Variants in DCT observed in about 807,000 individuals in gnomAD.
The protein encoded by DCT is L-dopachrome tautomerase.
Under a neutral mutation model 53.0 loss-of-function variants are expected in DCT, and 47 were observed. The observed-to-expected ratio is 0.89, with a 90% confidence interval of 0.70 to 1.13. The LOEUF (loss-of-function observed/expected upper bound fraction) is 1.13. Among genes scored for constraint, DCT ranks in the 50% most tolerant of loss-of-function variants. The pLI is 0.00. For missense variants in DCT, 669 were observed against 637.4 expected, an observed-to-expected ratio of 1.05 and a Z score of -0.53; for synonymous variants, 244 against 237.0, an observed-to-expected ratio of 1.03 and a Z score of -0.27.
the DCT span, among the ~76,000 whole-genome samples, chr13:94,521,526 C>A: frequency 1.3e-5 from 2 of 152,144 alleles, no homozygotes; most frequent in African/African-American, 4.8e-5. Flanking sequence ...AAAAATTAGC[C>A]AGGCGTGGTG....
At chr13:94,465,968 TTATATATATATATATATA>T (rs3044355) in intron 3 of DCT, among the ~76,000 whole-genome samples, 169 bp from the exon 4 acceptor site, 1,398 of 77,782 alleles carry the variant, frequency 0.018, 45 homozygotes, top group African/African-American at 0.051. Context: ...TGTGTATATT[TTATATATATATATATATA>T]TATATATATA....
intron 3 of DCT, among the ~76,000 whole-genome samples, chr13:94,466,219 T>C (rs959096703): frequency 2.6e-5 from 4 of 151,676 alleles, no homozygotes; most frequent in Non-Finnish European, 4.4e-5. Flanking sequence ...GAGAGTTACA[T>C]AGTAGTTACA....
At chr13:94,484,156 C>G (rs1243334568), upstream of DCT, among the ~76,000 whole-genome samples, 1 of 152,102 alleles carries the variant, frequency 6.6e-6, no homozygotes, top group Non-Finnish European at 1.5e-5. Context: ...GAAACAGCAT[C>G]TTTTCATTCT....
chr13:94,517,957 T>C, the DCT span, among the ~76,000 whole-genome samples: 36 of 152,130 alleles, frequency 2.4e-4, no homozygotes, highest in African/African-American at 6.7e-4. Flanking sequence ...GAAGATGATT[T>C]CAGGGCCAGG....
the DCT span, among the ~76,000 whole-genome samples, chr13:94,493,820 A>G: frequency 6.6e-6 from 1 of 152,162 alleles, no homozygotes; most frequent in Non-Finnish European, 1.5e-5. Flanking sequence ...GTAACAGTGA[A>G]TGCATGTCAT....
At chr13:94,490,858 T>G in the DCT span, among the ~76,000 whole-genome samples, 2 of 152,124 alleles carry the variant, frequency 1.3e-5, no homozygotes, top group Non-Finnish European at 2.9e-5. Context: ...TACCTTCAAT[T>G]ATGAGTTTAT....
chr13:94,501,645 AGAGAGAGAAAGGAGAGAGAG>A, the DCT span, among the ~76,000 whole-genome samples: 2 of 151,898 alleles, frequency 1.3e-5, no homozygotes, highest in African/African-American at 4.8e-5. Flanking sequence ...AGAGAGAGAG[AGAGAGAGAAAGGAGAGAGAG>A]GAGAGAGAGA....
chr13:94,451,741 T>C, intron 6 of DCT, among the ~76,000 whole-genome samples: 1 of 152,204 alleles, frequency 6.6e-6, no homozygotes, highest in East Asian at 1.9e-4. Context: ...AGGTTGAGTA[T>C]GTTTTCAGTG....
At chr13:94,487,258 T>C in the DCT span, among the ~76,000 whole-genome samples, 1,176 of 152,320 alleles carry the variant, frequency 7.7e-3, 16 homozygotes, top group African/African-American at 0.026. Context: ...CTGTGTATCA[T>C]ACAGCTTAAT....
chr13:94,485,292 T>C, the DCT span, among the ~76,000 whole-genome samples: 1 of 152,150 alleles, frequency 6.6e-6, no homozygotes, highest in Non-Finnish European at 1.5e-5. Context: ...TTAGCACAGG[T>C]AGAACCTTGG....
the DCT span, among the ~76,000 whole-genome samples, chr13:94,541,889 C>T: frequency 7.2e-5 from 11 of 152,138 alleles, no homozygotes; most frequent in South Asian, 2.1e-4. Flanking sequence ...TGGCTACACA[C>T]GGGTCATTGC....
intron 6 of DCT, among the ~76,000 whole-genome samples, chr13:94,459,412 T>G (rs1021528424): frequency 6.6e-6 from 1 of 152,252 alleles, no homozygotes; most frequent in Non-Finnish European, 1.5e-5. Context: ...TTGCTCCTAT[T>G]AGCCAGGAAA....
the DCT span, among the ~76,000 whole-genome samples, chr13:94,531,464 C>T: frequency 2.6e-5 from 4 of 152,094 alleles, no homozygotes; most frequent in South Asian, 2.1e-4. Flanking sequence ...TGGAACAGAA[C>T]GGAGGCCTCA....
chr13:94,456,009 T>C (rs1883390947), intron 6 of DCT, among the ~76,000 whole-genome samples: 1 of 152,202 alleles, frequency 6.6e-6, no homozygotes. Flanking sequence ...ACACCAGAAA[T>C]GCTTGGCATA....
chr13:94,460,378 A>T, intron 5 of DCT, 152 bp from the exon 6 acceptor site: 1 of 659,174 alleles, frequency 1.5e-6, no homozygotes, highest in South Asian at 2.0e-5. Flanking sequence ...ATTTGCCCCA[A>T]ACTTTAATGA....
chr13:94,465,702 G>C lies in DCT; in HGVS notation c.794C>G (p.Ala265Gly). 1 of 1,613,230 alleles carries C rather than the reference G, an allele frequency of 6.2e-7. No homozygotes were observed. Among genetic ancestry groups the C allele is most frequent in the African/African-American group, 1.3e-5 (1 of 74,796 alleles). The change falls in exon 4 of 8, where the codon GCG becomes GGG. Residue 265 changes from alanine (A) to glycine (G), a missense_variant. Coordinates refer to ENST00000377028, the MANE Select transcript of DCT (RefSeq NM_001922.5). ...DVCTDQLFGA[A>G]RPDDPTLISR... The stretch of plus-strand genomic sequence containing the variant: ...AATCAGAGTCGGATCGTCTGGTCTC[G>C]CTGCCCCAAACAGCTGGTCTGTACA...
intron 6 of DCT, among the ~76,000 whole-genome samples, chr13:94,457,774 T>A (rs1883504062): frequency 6.6e-6 from 1 of 152,012 alleles, no homozygotes; most frequent in Non-Finnish European, 1.5e-5. Context: ...CGAGGGTGAG[T>A]TGCGTATCTG....
rs1408244886 is a variant in DCT, at chr13:94,440,021, T to G, written c.1437A>C (p.Thr479=). The G allele has an allele frequency of 6.2e-7, 1 of 1,613,950 alleles. No homozygotes were observed. The highest frequency in any genetic ancestry group is 8.5e-7 in the Non-Finnish European group (1 of 1,179,950). ...WPTTLLVVMG[T]LVALVGLFVL... is the part of the protein sequence containing the mutation. ...CAAAAAGACCAACCAAAGCCACCAG[T>G]GTTCCCATGACTACTAAGAGAGTTG... The change falls in exon 8 of 8, where the codon ACA becomes ACC. Residue 479 remains threonine, a synonymous_variant. Coordinates refer to ENST00000377028, the MANE Select transcript of DCT (RefSeq NM_001922.5).
chr13:94,488,247 A>G, the DCT span, among the ~76,000 whole-genome samples: 60 of 152,262 alleles, frequency 3.9e-4, no homozygotes, highest in Non-Finnish European at 5.9e-4. Context: ...ATGGGAGGGA[A>G]TCACTCTCTT....
Sources: allele counts gnomAD v4.1 joint callset (sites outside exome capture counted in the v4.1 genomes callset), GRCh38; gene constraint gnomAD v4.1.1; transcripts MANE v1.5; gene names NCBI Gene and HGNC (gene_info 2026-07-23, HGNC 2026-07-21).